NRAP: variants seen among roughly 807,000 people sequenced by gnomAD.
The protein encoded by NRAP is nebulin-related-anchoring protein.
In NRAP, 189 loss-of-function variants were observed where a neutral mutation model predicts 225.9. That is an observed-to-expected ratio of 0.84 (90% confidence interval 0.74 to 0.94). NRAP has a LOEUF of 0.94. Ranked by LOEUF, NRAP falls within the 40% of genes least tolerant of loss-of-function variation. The pLI is 0.00. For missense variants in NRAP, 2,176 were observed against 2,168.7 expected (o/e 1.00, Z -0.07); for synonymous variants, 769 against 790.7 (o/e 0.97, Z 0.46).
At chr10:113,601,409 A>G (rs1025241743) in intron 35 of NRAP, among the ~76,000 whole-genome samples, 2 of 152,220 alleles carry the variant, frequency 1.3e-5, no homozygotes, top group African/African-American at 2.4e-5. Flanking sequence ...AGTTTTGATA[A>G]TGGCTGCTAT....
chr10:113,657,780 G>A (rs746554778), intron 3 of NRAP, among the ~76,000 whole-genome samples: 2 of 152,190 alleles, frequency 1.3e-5, no homozygotes. Context: ...CACCTGCTGT[G>A]TGTGAAGCTC....
chr10:113,651,216 T>C (rs982699086), intron 7 of NRAP, among the ~76,000 whole-genome samples: 1 of 152,200 alleles, frequency 6.6e-6, no homozygotes, highest in Non-Finnish European at 1.5e-5. Context: ...TTGTTACCCA[T>C]GCAGGACTAA....
chr10:113,601,880 T>C (rs1190397852), intron 35 of NRAP, among the ~76,000 whole-genome samples: 1 of 152,194 alleles, frequency 6.6e-6, no homozygotes, highest in Non-Finnish European at 1.5e-5. Flanking sequence ...GCTTTTCTTT[T>C]ACTTTCTTTT....
At chr10:113,608,666 C>T (rs1847144418) in intron 31 of NRAP, among the ~76,000 whole-genome samples, 154 bp from the exon 32 acceptor site, 1 of 152,158 alleles carries the variant, frequency 6.6e-6, no homozygotes, top group Non-Finnish European at 1.5e-5. Flanking sequence ...CCTTTGTGAC[C>T]CCAAAACTCA....
Position 113,651,957 on chromosome 10 carries a change from C to T in NRAP, c.571-50G>A, listed in dbSNP as rs766053528. ...GGGTGCACCCACCTCACAGCCTCCT[C>T]AGTGACCTCTCCCTGTGGCTCTCCT... is the stretch of plus-strand genomic sequence containing the variant. On this transcript the variant is annotated intron_variant, in intron 6 of 41. Transcript: ENST00000359988. 8 of 1,133,282 alleles carry T rather than the reference C, an allele frequency of 7.1e-6. No individual in the cohort carries two copies. In the African/African-American group the frequency reaches 1.2e-4, roughly 17 times the overall value. 70.2% of individuals were successfully genotyped at this position (1,133,282 alleles called of 1,614,324 possible).
In NRAP at chr10:113,606,282, G is replaced by T. The variant is rs565569438; in HGVS notation, c.3703C>A (p.Arg1235Ser). 2 of 1,586,856 alleles carry T rather than the reference G, an allele frequency of 1.3e-6. No homozygotes were observed. The highest frequency in any genetic ancestry group is 2.2e-5 in the East Asian group (1 of 44,722). ...TCCTCTCCAGCTGCTTTATAGAGGCGCTAGGCCAAAAAAATATAATAATAA... is the reference window on the plus strand; with the variant it reads ...TCCTCTCCAGCTGCTTTATAGAGGCTCTAGGCCAAAAAAATATAATAATAA... ...AKFSNQITNE[R>S]LYKAAGEDAR... is the part of the protein sequence containing the mutation. The change falls in exon 33 of 42, where the codon CGC becomes AGC. Residue 1235 changes from arginine (R) to serine (S), a missense_variant and splice_region_variant. This residue lies in a region of NRAP where 1,708 missense variants were observed against 1,695.5 expected (regional missense o/e 1.01). Coordinates refer to ENST00000359988, the MANE Select transcript of NRAP (RefSeq NM_198060.4).
chr10:113,595,857 C>A, intron 37 of NRAP, 130 bp from the exon 38 acceptor site: 1 of 556,794 alleles, frequency 1.8e-6, no homozygotes, highest in Non-Finnish European at 3.2e-6. Flanking sequence ...CCAGTCCTGC[C>A]CATGGACAGT....
chr10:113,614,704 C>A, intron 28 of NRAP, 135 bp downstream of exon 28: 1 of 646,214 alleles, frequency 1.5e-6, no homozygotes. Context: ...TGGTCATTAT[C>A]TGATTGCCCT....
At chr10:113,592,103 T>C (rs1846025513) in intron 39 of NRAP, 91 bp downstream of exon 39, 1 of 645,230 alleles carries the variant, frequency 1.5e-6, no homozygotes, top group Non-Finnish European at 2.6e-6. Context: ...GAGATAATCT[T>C]GACAGGTCCT....
At chr10:113,611,309 C>G (rs1036111491) in intron 30 of NRAP, among the ~76,000 whole-genome samples, 1 of 152,178 alleles carries the variant, frequency 6.6e-6, no homozygotes, top group African/African-American at 2.4e-5. Flanking sequence ...AAAATCCAAA[C>G]AGACGACAGA....
chr10:113,645,845 C>T lies in NRAP; in HGVS notation c.1090G>A (p.Val364Ile), dbSNP rs138987904. ...CGCACCTCACTCACGAGTTTGTTTA[C>T]GCTCTGAGCCTGTTTGAGAACCAAG... Reference protein sequence around the residue: ...DNLVLKQAQSVNKLVSEVEYK... With the variant: ...DNLVLKQAQSINKLVSEVEYK... Residue 364 changes from valine (V) to isoleucine (I), a missense_variant, in exon 11 of 42, where the codon GTA (valine) becomes ATA (isoleucine). Physicochemically the swap from Val to Ile is conservative, Grantham distance 29. This residue lies in a region of NRAP where 1,708 missense variants were observed against 1,695.5 expected (regional missense o/e 1.01). Coordinates refer to ENST00000359988, the MANE Select transcript of NRAP (RefSeq NM_198060.4). The T allele has an allele frequency of 3.0e-4, 478 of 1,598,490 alleles. 2 individuals are homozygous for T. Among genetic ancestry groups the T allele is most frequent in the Non-Finnish European group, 7.5e-5 (88 of 1,167,458 alleles).
Position 113,590,824 on chromosome 10 carries a change from A to T in NRAP, c.4710T>A (p.Asp1570Glu), listed in dbSNP as rs1331321740. 6.2e-7 allele frequency: 1 copy of T among 1,614,076 alleles called. No individual in the cohort carries two copies. Among genetic ancestry groups the T allele is most frequent in the African/African-American group, 1.3e-5 (1 of 74,926 alleles). ...GLQIGYRSVD[D>E]DPRMKHFLNV... ...TGAGGAAATGCTTCATCCTTGGGTC[A>T]TCGTCGACACTGCGGTACCCGATCT... The change falls in exon 40 of 42, where the codon GAT becomes GAA. Residue 1570 changes from aspartate (D) to glutamate (E), a missense_variant. By Grantham distance (45) the Asp-to-Glu change is conservative. Transcript: ENST00000359988.
At chr10:113,616,827 C>G (rs1847691453) in intron 26 of NRAP, among the ~76,000 whole-genome samples, 1 of 152,170 alleles carries the variant, frequency 6.6e-6, no homozygotes, top group Non-Finnish European at 1.5e-5. Context: ...ATCAGCCAAA[C>G]AGGGTTAATC....
At chr10:113,601,506 G>A (rs1341874504) in intron 35 of NRAP, among the ~76,000 whole-genome samples, 2 of 152,204 alleles carry the variant, frequency 1.3e-5, no homozygotes, top group African/African-American at 2.4e-5. Context: ...TAACCAATTT[G>A]CAGCTTAAAA....
intron 3 of NRAP, among the ~76,000 whole-genome samples, chr10:113,658,976 C>A (rs1850492489): frequency 6.6e-6 from 1 of 151,720 alleles, no homozygotes; most frequent in Non-Finnish European, 1.5e-5. Flanking sequence ...AGAAAACAAG[C>A]TCAGAGAAAA....
At chr10:113,641,885 C>T (rs1363959388) in intron 12 of NRAP, among the ~76,000 whole-genome samples, 1 of 152,158 alleles carries the variant, frequency 6.6e-6, no homozygotes, top group African/African-American at 2.4e-5. Context: ...CATGCCATTA[C>T]CTCCATTTCT....
Position 113,651,821 on chromosome 10 carries a change from C to A in NRAP, c.657G>T (p.Gly219=). 1 of 1,611,614 alleles carries A rather than the reference C, an allele frequency of 6.2e-7. No individual in the cohort carries two copies. Among genetic ancestry groups the A allele is most frequent in the Non-Finnish European group, 8.5e-7 (1 of 1,177,916 alleles). The part of the protein sequence containing the change: ...DTPELLRSKA[G]AQLQSDVRYT... ...TTCTTACATCACTTTGAAGCTGTGC[C>A]CCAGCCTTGCTCCGTAGCAGCTCAG... Residue 219 remains glycine (G), a synonymous_variant, in exon 7 of 42, where the codon GGG becomes GGT. Transcript: ENST00000359988.
At chr10:113,623,170 G>C (rs781558821) in intron 23 of NRAP, among the ~76,000 whole-genome samples, 13 of 152,186 alleles carry the variant, frequency 8.5e-5, no homozygotes, top group Non-Finnish European at 1.6e-4. Context: ...TTTTATACAA[G>C]GTCTATCTAA....
rs769664856 is a variant in NRAP at position 113,651,806 on chromosome 10, A to G, written c.672T>C (p.Ser224=). ...ACTGGCCTCCCTCCTTTCTTACATC[A>G]CTTTGAAGCTGTGCCCCAGCCTTGC... ...LRSKAGAQLQ[S]DVRYTEDYEQ... is the part of the protein sequence containing the mutation. Residue 224 remains serine, a synonymous_variant, in exon 7 of 42, where the codon AGT becomes AGC. Coordinates refer to ENST00000359988, the MANE Select transcript of NRAP (RefSeq NM_198060.4). 3 of 1,602,454 alleles carry G rather than the reference A, an allele frequency of 1.9e-6. No individual in the cohort carries two copies. Among genetic ancestry groups the G allele is most frequent in the Non-Finnish European group, 2.6e-6 (3 of 1,169,956 alleles).
Sources: gnomAD v4.1 joint callset for allele counts (sites outside exome capture counted in the v4.1 genomes callset) on GRCh38, gnomAD v4.1.1 for gene constraint, gnomAD v4.1.1 regional missense constraint, MANE v1.5 for transcripts, NCBI Gene and HGNC (gene_info 2026-07-23, HGNC 2026-07-21) for gene names.